TSPOAP1: variants seen among roughly 807,000 people sequenced by gnomAD.
TSPOAP1 encodes TSPO associated protein 1.
Under a neutral mutation model 197.0 loss-of-function variants are expected in TSPOAP1, and 87 were observed. That is an observed-to-expected ratio of 0.44 (90% confidence interval 0.37 to 0.53). TSPOAP1 has a LOEUF of 0.53. Ranked by LOEUF, TSPOAP1 falls within the 20% of genes least tolerant of loss-of-function variation. TSPOAP1 has a pLI of 0.00. For missense variants in TSPOAP1, 2,174 were observed against 2,411.3 expected, an observed-to-expected ratio of 0.90 and a Z score of 2.06; for synonymous variants, 913 against 998.9, an observed-to-expected ratio of 0.91 and a Z score of 1.62.
In TSPOAP1 at chr17:58,304,436, G is replaced by A. The variant is rs779328046; in HGVS notation, c.5545-37C>T. ...GAACAAAGAGAGGAGATGGGTTACC[G>A]ACAGACCCGCACCTTCTCCGCCCGG... On this transcript the variant is annotated intron_variant, in intron 30 of 31. Transcript: ENST00000343736. This position sits in a 1 kb window ranked among gnomAD's most constrained non-coding sequence, Gnocchi z 4.2. 6 of 1,578,030 alleles carry A rather than the reference G, an allele frequency of 3.8e-6. No individual in the cohort carries two copies. Among genetic ancestry groups the A allele is most frequent in the East Asian group, 2.2e-5 (1 of 44,686 alleles).
chr17:58,322,914 G>A lies in TSPOAP1; in HGVS notation c.1194+36C>T. 6.2e-7 allele frequency: 1 copy of A among 1,604,928 alleles called. No individual in the cohort carries two copies. The highest frequency in any genetic ancestry group is 1.1e-5 in the South Asian group (1 of 90,004). On this transcript the variant is annotated intron_variant, in intron 8 of 31. Transcript: ENST00000343736. The surrounding 1 kb of genome is among the most constrained non-coding windows in gnomAD (Gnocchi z 5.0). ...GCTGGGGACCGGGGCAGTGGTGGGAGCACAGGTCTCCACAGCACCTGGGCG... is the reference window on the plus strand; with the variant it reads ...GCTGGGGACCGGGGCAGTGGTGGGAACACAGGTCTCCACAGCACCTGGGCG...
rs1269148781 is a variant in TSPOAP1, at chr17:58,322,276, C to A, written c.1422+32G>T. 1.9e-6 allele frequency: 3 copies of A among 1,590,430 alleles called. No individual in the cohort carries two copies. Among genetic ancestry groups the A allele is most frequent in the Non-Finnish European group, 2.6e-6 (3 of 1,171,566 alleles). On this transcript the variant is annotated intron_variant, in intron 10 of 31. Coordinates refer to ENST00000343736, the MANE Select transcript of TSPOAP1 (RefSeq NM_004758.4). This position sits in a 1 kb window ranked among gnomAD's most constrained non-coding sequence, Gnocchi z 5.0. ...AGTGAGTGGCAAAGCTGGTGTCCAG[C>A]AGCCTGCCAGCTTCCCTCACTGCCG...
rs1970736978 is a variant in TSPOAP1, at chr17:58,302,169, A to C, written c.*311T>G. The C allele has an allele frequency of 1.8e-6, 2 of 1,108,472 alleles. No individual in the cohort carries two copies. Among genetic ancestry groups the C allele is most frequent in the Admixed American group, 6.3e-5 (2 of 31,930 alleles). 68.7% of individuals were successfully genotyped at this position (1,108,472 alleles called of 1,614,324 possible). A position where few individuals can be genotyped will look rare whatever the true frequency, so the allele number is the denominator to read the frequency against. ...AATGCCACAGTGTTAACGCAGAAGA[A>C]CGGGGGCTCTGGGCCCAGTCTGAGC... On this transcript the variant is annotated 3_prime_UTR_variant, in exon 32 of 32. Coordinates refer to ENST00000343736, the MANE Select transcript of TSPOAP1 (RefSeq NM_004758.4).
In TSPOAP1 at chr17:58,318,516, G is replaced by A. The variant is rs143086133; in HGVS notation, c.1700-64C>T. On this transcript the variant is annotated intron_variant, in intron 13 of 31. Coordinates refer to ENST00000343736, the MANE Select transcript of TSPOAP1 (RefSeq NM_004758.4). ...CTGAGGAGGGACCAGGAGATAGGGTGGTGCTTCTTGGATATGGGGACCAGG... is the reference window on the plus strand; with the variant it reads ...CTGAGGAGGGACCAGGAGATAGGGTAGTGCTTCTTGGATATGGGGACCAGG... 310 of 1,493,656 alleles carry A rather than the reference G, an allele frequency of 2.1e-4. 4 individuals carry two copies. The East Asian group carries it at 7.0e-3, about 33-fold the overall frequency. The allele number at this position is 1,493,656 out of a possible 1,614,324, so 92.5% of individuals were successfully genotyped here.
Position 58,322,646 on chromosome 17 carries a change from C to T in TSPOAP1, c.1317+8G>A. 6.2e-7 allele frequency: 1 copy of T among 1,608,694 alleles called. No individual in the cohort carries two copies. Among genetic ancestry groups the T allele is most frequent in the Non-Finnish European group, 8.5e-7 (1 of 1,179,936 alleles). On this transcript the variant is annotated splice_region_variant and intron_variant, in intron 9 of 31. Coordinates refer to ENST00000343736, the MANE Select transcript of TSPOAP1 (RefSeq NM_004758.4). This position sits in a 1 kb window ranked among gnomAD's most constrained non-coding sequence, Gnocchi z 5.0. Reference sequence around the variant, plus strand: ...CAGCACCCTCTCCCACCTGCACCATCTCCTCACCTTCAGCACTTGCTCCAG... The same window carrying T: ...CAGCACCCTCTCCCACCTGCACCATTTCCTCACCTTCAGCACTTGCTCCAG...
Position 58,326,467 on chromosome 17 carries a change from C to T in TSPOAP1, c.442-46G>A, listed in dbSNP as rs1971612827. On this transcript the variant is annotated intron_variant, in intron 2 of 31. Transcript: ENST00000343736. This position sits in a 1 kb window ranked among gnomAD's most constrained non-coding sequence, Gnocchi z 4.7. ...ATTGGGGCATGTAGGGAGCACCCCACAGACCCAGTCCTAACAGCCCAAGTC... is the reference window on the plus strand; with the variant it reads ...ATTGGGGCATGTAGGGAGCACCCCATAGACCCAGTCCTAACAGCCCAAGTC... 1.2e-6 allele frequency: 2 copies of T among 1,606,052 alleles called. No homozygotes were observed. The highest frequency in any genetic ancestry group is 1.7e-5 in the Admixed American group (1 of 59,376).
rs372334831 is a variant in TSPOAP1 at position 58,322,444 on chromosome 17, C to G, written c.1318-32G>C. On this transcript the variant is annotated intron_variant, in intron 9 of 31. Coordinates refer to ENST00000343736, the MANE Select transcript of TSPOAP1 (RefSeq NM_004758.4). This position sits in a 1 kb window ranked among gnomAD's most constrained non-coding sequence, Gnocchi z 5.0. ...CACAAGATCTGAGTCAAGGCCAGAG[C>G]CCCTACTTGGCCATTTCTAGAGAAG... 6.3e-7 allele frequency: 1 copy of G among 1,599,266 alleles called. No individual in the cohort carries two copies. Among genetic ancestry groups the G allele is most frequent in the Non-Finnish European group, 8.5e-7 (1 of 1,176,774 alleles).
At position 58,304,284 on chromosome 17, in the gene TSPOAP1, G is replaced by A. The variant is rs1157976389; in HGVS notation, c.*32+54C>T. 6.8e-7 allele frequency: 1 copy of A among 1,481,430 alleles called. No individual in the cohort carries two copies. Among genetic ancestry groups the A allele is most frequent in the Non-Finnish European group, 9.4e-7 (1 of 1,061,670 alleles). The allele number at this position is 1,481,430 out of a possible 1,614,324, so 91.8% of individuals were successfully genotyped here. A position where few individuals can be genotyped will look rare whatever the true frequency, so the allele number is the denominator to read the frequency against. Reference sequence around the variant, plus strand: ...TATTTGAGACAAAGGAGCACTGTCTGATTATGGTCAAGTGGGGGTGGACGG... The same window carrying A: ...TATTTGAGACAAAGGAGCACTGTCTAATTATGGTCAAGTGGGGGTGGACGG... On this transcript the variant is annotated intron_variant, in intron 31 of 31. Transcript: ENST00000343736. This position sits in a 1 kb window ranked among gnomAD's most constrained non-coding sequence, Gnocchi z 4.2.
intron 16 of TSPOAP1, 78 bp from the exon 17 acceptor site, chr17:58,312,800 A>G (rs1034843192): frequency 1.2e-5 from 14 of 1,185,942 alleles, no homozygotes; most frequent in Non-Finnish European, 1.6e-5. Context: ...TAATAAATGC[A>G]TTTTAGCAAC....
rs1424071137 is a variant in TSPOAP1, at chr17:58,309,218, A to G, written c.4054T>C (p.Cys1352Arg). The G allele has an allele frequency of 1.3e-5, 21 of 1,613,884 alleles. No individual in the cohort carries two copies. The South Asian group carries it at 2.2e-4, about 17-fold the overall frequency. The change falls in exon 22 of 32, where the codon TGT (cysteine) becomes CGT (arginine). Residue 1352 changes from cysteine to arginine, a missense_variant. Cys to Arg is a radical substitution (Grantham distance 180). Transcript: ENST00000343736. The surrounding 1 kb of genome is among the most constrained non-coding windows in gnomAD (Gnocchi z 5.0). ...DEEEEKSGAG[C>R]SSRDPGPPEP... is the part of the protein sequence containing the mutation. Reference sequence around the variant, plus strand: ...GGCGGGCCAGGGTCTCGGGAAGAACAGCCTGCCCCTGACTTCTCCTCCTCC... The same window carrying G: ...GGCGGGCCAGGGTCTCGGGAAGAACGGCCTGCCCCTGACTTCTCCTCCTCC...
chr17:58,306,256 C>G, intron 26 of TSPOAP1, 86 bp downstream of exon 26: 1 of 1,316,830 alleles, frequency 7.6e-7, no homozygotes, highest in South Asian at 1.3e-5. Flanking sequence ...CCTCCCAGCA[C>G]CTGAGAGAAA....
chr17:58,325,101 C>T (rs1598083359), intron 4 of TSPOAP1, 99 bp from the exon 5 acceptor site: 2 of 1,108,280 alleles, frequency 1.8e-6, no homozygotes, highest in Non-Finnish European at 1.3e-6. Flanking sequence ...GGAGGGGCTC[C>T]GATGCGCGAG....
intron 12 of TSPOAP1, among the ~76,000 whole-genome samples, chr17:58,319,577 C>T (rs1971338742): frequency 2.0e-5 from 3 of 152,244 alleles, no homozygotes; most frequent in South Asian, 2.1e-4. Flanking sequence ...GCGATGGCAC[C>T]TCTGCCTCTG....
In TSPOAP1 at chr17:58,326,159, A is replaced by G; in HGVS notation, c.570+134T>C. 2.1e-6 allele frequency: 3 copies of G among 1,414,852 alleles called. No homozygotes were observed. The highest frequency in any genetic ancestry group is 1.9e-6 in the Non-Finnish European group (2 of 1,055,784). 87.6% of individuals were successfully genotyped at this position (1,414,852 alleles called of 1,614,324 possible). On this transcript the variant is annotated intron_variant, in intron 3 of 31. Transcript: ENST00000343736. The surrounding 1 kb of genome is among the most constrained non-coding windows in gnomAD (Gnocchi z 4.7). ...CCAGCCTCTGCCCTTCCTGCACCTT[A>G]GCCCCTAGATTCTTGCTTTCCTAGG...
At chr17:58,318,475 G>T (rs1307211469) in intron 13 of TSPOAP1, 23 bp from the exon 14 acceptor site, 2 of 1,601,322 alleles carry the variant, frequency 1.2e-6, no homozygotes, top group Non-Finnish European at 1.7e-6. Flanking sequence ...TGGCACGTGG[G>T]CTTGGGGTCT....
At chr17:58,306,006 G>C in intron 26 of TSPOAP1, 141 bp from the exon 27 acceptor site, 3 of 893,200 alleles carry the variant, frequency 3.4e-6, no homozygotes, top group Non-Finnish European at 5.1e-6. Context: ...CAACCCTTTT[G>C]TGTGGCAGTG....
chr17:58,302,503 G>C (rs1322423230), intron 31 of TSPOAP1, 56 bp from the exon 32 acceptor site: 1 of 1,162,712 alleles, frequency 8.6e-7, no homozygotes, highest in East Asian at 6.9e-5. Context: ...CTGACCCCCT[G>C]ACCCATTTTT....
rs749889538 is a variant in TSPOAP1, at chr17:58,325,678, C to T, written c.606G>A (p.Leu202=). The T allele has an allele frequency of 6.2e-7, 1 of 1,612,464 alleles. No individual in the cohort carries two copies. Among genetic ancestry groups the T allele is most frequent in the Admixed American group, 1.7e-5 (1 of 59,982 alleles). ...GGGCTAGGGCCTTCCGACACAACTC[C>T]AAGCTGGTCCCCGGCCGGGGCAAGG... is the stretch of plus-strand genomic sequence containing the variant. ...SAPLPRPGTS[L]ELCRKALARQ... Residue 202 remains leucine, a synonymous_variant, in exon 4 of 32, where the codon TTG becomes TTA. Transcript: ENST00000343736.
chr17:58,307,528 G>C (rs1223997235), intron 24 of TSPOAP1, 83 bp downstream of exon 24: 13 of 1,492,970 alleles, frequency 8.7e-6, no homozygotes, highest in Non-Finnish European at 1.2e-5. Flanking sequence ...ATGATTCTGT[G>C]CTACCTCCAG....
Sources: gnomAD v4.1 joint callset for allele counts (sites outside exome capture counted in the v4.1 genomes callset) on GRCh38, gnomAD v4.1.1 for gene constraint, Gnocchi (gnomAD v3.1) non-coding constraint, MANE v1.5 for transcripts, NCBI Gene and HGNC (gene_info 2026-07-23, HGNC 2026-07-21) for gene names.